The following FUT8 variants were observed in gnomAD, a reference collection of about 807,000 sequenced individuals.
FUT8 encodes the protein fucosyltransferase 8, also known as alpha-(1,6)-fucosyltransferase.
In FUT8, 29 loss-of-function variants were observed where a neutral mutation model predicts 71.3. That is an observed-to-expected ratio of 0.41 (90% confidence interval 0.30 to 0.55). The LOEUF (loss-of-function observed/expected upper bound fraction) is 0.55. FUT8 is among the 20% of genes least tolerant of loss of function. FUT8 has a pLI of 0.34. For missense variants in FUT8, 544 were observed against 702.1 expected (o/e 0.77, Z 2.55); for synonymous variants, 254 against 239.3 (o/e 1.06, Z -0.57).
chr14:65,690,837 T>G (rs556127091), intron 7 of FUT8, among the ~76,000 whole-genome samples: 198 of 152,188 alleles, frequency 1.3e-3, no homozygotes, highest in Non-Finnish European at 1.5e-3. Context: ...CTGATAATCC[T>G]GCCTCAGCCT....
At chr14:65,494,993 C>T (rs2066537328) in intron 2 of FUT8, among the ~76,000 whole-genome samples, 1 of 151,880 alleles carries the variant, frequency 6.6e-6, no homozygotes, top group East Asian at 1.9e-4. Context: ...AAACTCAATG[C>T]TTTTTCTCTA....
At chr14:65,554,806 C>G (rs1320516034) in intron 2 of FUT8, among the ~76,000 whole-genome samples, 1 of 152,206 alleles carries the variant, frequency 6.6e-6, no homozygotes, top group East Asian at 1.9e-4. Flanking sequence ...TCTTTGGATG[C>G]CTGCATCACA....
At chr14:65,707,115 A>G (rs539810602) in intron 7 of FUT8, among the ~76,000 whole-genome samples, 1 of 152,324 alleles carries the variant, frequency 6.6e-6, no homozygotes, top group South Asian at 2.1e-4. Context: ...GAACTAATTT[A>G]CATTCCCACC....
the FUT8 span, among the ~76,000 whole-genome samples, chr14:65,382,851 T>C: frequency 3.9e-5 from 6 of 152,204 alleles, no homozygotes; most frequent in Non-Finnish European, 7.3e-5. Context: ...CTAAATGCTC[T>C]GTAGTATCTC....
rs187107073 is a variant in FUT8, at chr14:65,696,474, A to G, written c.836-25301A>G. On this transcript the variant is annotated intron_variant, in intron 7 of 10. Coordinates refer to ENST00000673929, the MANE Select transcript of FUT8 (RefSeq NM_001371533.1). ...GGTTCCTCCAGCCCAGCGTTTTTCA[A>G]AATTTTTTTCTGACTTTTTGCAGTT... Among the ~76,000 whole-genome samples, 463 of 152,160 alleles carry G rather than the reference A, an allele frequency of 3.0e-3. 1 individual carries two copies. Among genetic ancestry groups the G allele is most frequent in the Middle Eastern group, 6.8e-3 (2 of 294 alleles).
At chr14:65,693,894 A>T (rs566757578) in intron 7 of FUT8, among the ~76,000 whole-genome samples, 1 of 152,198 alleles carries the variant, frequency 6.6e-6, no homozygotes, top group Non-Finnish European at 1.5e-5. Flanking sequence ...CAGATTACCA[A>T]ATTCTCCTTG....
At chr14:65,490,405 T>A (rs2066465684) in intron 2 of FUT8, among the ~76,000 whole-genome samples, 1 of 152,146 alleles carries the variant, frequency 6.6e-6, no homozygotes, top group South Asian at 2.1e-4. Context: ...ACATATATTT[T>A]AAACACAGTT....
chr14:65,701,612 C>G (rs1894299524), intron 7 of FUT8, among the ~76,000 whole-genome samples: 1 of 152,118 alleles, frequency 6.6e-6, no homozygotes, highest in East Asian at 1.9e-4. Context: ...TTGAGATAAG[C>G]TGTCTTTAGC....
At chr14:65,466,383 T>C (rs61990002) in intron 2 of FUT8, among the ~76,000 whole-genome samples, 11,097 of 152,308 alleles carry the variant, frequency 0.073, 477 homozygotes, top group Admixed American at 0.12. Context: ...CTCTGCCTTC[T>C]TCATTGTAAT....
intron 2 of FUT8, among the ~76,000 whole-genome samples, chr14:65,488,799 A>G (rs8020287): frequency 0.019 from 2,960 of 152,220 alleles, 41 homozygotes; most frequent in Non-Finnish European, 0.032. Context: ...AAGTGTGAAT[A>G]TTTGGCCACC....
At chr14:65,559,411 A>T (rs1376190838) in intron 2 of FUT8, among the ~76,000 whole-genome samples, 3 of 152,270 alleles carry the variant, frequency 2.0e-5, no homozygotes, top group East Asian at 3.9e-4. Flanking sequence ...TCTAGAGATG[A>T]TTTAAAGTAT....
the FUT8 span, among the ~76,000 whole-genome samples, chr14:65,391,152 T>G: frequency 6.6e-6 from 1 of 152,326 alleles, no homozygotes; most frequent in Middle Eastern, 3.4e-3. Context: ...ATTTTTATAC[T>G]ATTTAATTAA....
chr14:65,399,769 C>T, the FUT8 span, among the ~76,000 whole-genome samples: 1 of 152,134 alleles, frequency 6.6e-6, no homozygotes, highest in Non-Finnish European at 1.5e-5. Context: ...GGAATGGGGA[C>T]ATAAGCTTGT....
At chr14:65,551,247 C>T (rs1439365494) in intron 2 of FUT8, among the ~76,000 whole-genome samples, 1 of 152,188 alleles carries the variant, frequency 6.6e-6, no homozygotes, top group Non-Finnish European at 1.5e-5. Flanking sequence ...ATCCTTTTCA[C>T]ACAGTCATAT....
At chr14:65,624,819 A>G (rs8013098) in intron 5 of FUT8, among the ~76,000 whole-genome samples, 9,220 of 152,302 alleles carry the variant, frequency 0.061, 322 homozygotes, top group Admixed American at 0.11. Flanking sequence ...TCACACCTGT[A>G]ATCCTAGCAC....
the FUT8 span, among the ~76,000 whole-genome samples, chr14:65,399,608 A>G: frequency 2.0e-5 from 3 of 152,240 alleles, no homozygotes; most frequent in Admixed American, 1.3e-4. Context: ...GTTGCAGAGG[A>G]AAGTTAATCA....
At chr14:65,683,631 TAC>T (rs747574284) in intron 7 of FUT8, among the ~76,000 whole-genome samples, 112 of 152,264 alleles carry the variant, frequency 7.4e-4, no homozygotes, top group Admixed American at 1.4e-3. Context: ...TTAAGAATAT[TAC>T]AGTTAAATAA....
intron 8 of FUT8, among the ~76,000 whole-genome samples, chr14:65,723,534 A>G (rs1476650119): frequency 6.6e-6 from 1 of 152,166 alleles, no homozygotes; most frequent in African/African-American, 2.4e-5. Context: ...TATGCCCACA[A>G]CAGAAGGGCT....
intron 7 of FUT8, among the ~76,000 whole-genome samples, chr14:65,680,917 A>T (rs968893604): frequency 6.6e-6 from 1 of 152,232 alleles, no homozygotes; most frequent in Non-Finnish European, 1.5e-5. Flanking sequence ...CCTGCACTCC[A>T]TAATTCACTA....
Sources: gnomAD v4.1 joint callset for allele counts (sites outside exome capture counted in the v4.1 genomes callset) on GRCh38, gnomAD v4.1.1 for gene constraint, MANE v1.5 for transcripts, NCBI Gene and HGNC (gene_info 2026-07-23, HGNC 2026-07-21) for gene names.